The following FCRL5 variants were observed in gnomAD, a reference collection of about 807,000 sequenced individuals.
FCRL5 encodes the protein Fc receptor-like protein 5.
Under a neutral mutation model 92.1 loss-of-function variants are expected in FCRL5, and 79 were observed. That is an observed-to-expected ratio of 0.86 (90% CI 0.72 to 1.03). The LOEUF (loss-of-function observed/expected upper bound fraction) is 1.03. Ranked by LOEUF, FCRL5 falls within the 50% of genes least tolerant of loss-of-function variation. FCRL5 has a pLI of 0.00. For missense variants in FCRL5, 1,160 were observed against 1,181.1 expected, an observed-to-expected ratio of 0.98 and a Z score of 0.26; for synonymous variants, 466 against 469.3, an observed-to-expected ratio of 0.99 and a Z score of 0.09.
At chr1:157,517,713 G>T (rs74118651) in intron 15 of FCRL5, among the ~76,000 whole-genome samples, 2,197 of 152,254 alleles carry the variant, frequency 0.014, 43 homozygotes, top group African/African-American at 0.049. Flanking sequence ...TGATAAATTT[G>T]TACTGCTTCA....
In FCRL5 at chr1:157,520,494, G is replaced by T; in HGVS notation, c.2569C>A (p.Leu857Ile). 6.3e-7 allele frequency: 1 copy of T among 1,575,198 alleles called. No homozygotes were observed. Among genetic ancestry groups the T allele is most frequent in the Non-Finnish European group, 8.6e-7 (1 of 1,160,108 alleles). ...CCCGCAGCAAGGCCTGCTATGCTGA[G>T]CAGGCCCCCGGCGACTCCTGTGGCA... Reference protein sequence around the residue: ...PFATGVAGGLLSIAGLAAGAL... With the variant: ...PFATGVAGGLISIAGLAAGAL... Residue 857 changes from leucine (L) to isoleucine (I), a missense_variant, in exon 12 of 17, where the codon CTC (leucine) becomes ATC (isoleucine). Physicochemically the swap from Leu to Ile is conservative, Grantham distance 5 (BLOSUM62 2). Transcript: ENST00000361835.
intron 3 of FCRL5, chr1:157,546,131 C>A: frequency 3.5e-6 from 1 of 281,794 alleles, no homozygotes; most frequent in South Asian, 3.1e-5. Flanking sequence ...ACTTATTATT[C>A]CAAGTAAATA....
At chr1:157,520,573 C>T (rs755210661) in intron 11 of FCRL5, 26 bp from the exon 12 acceptor site, 1 of 1,553,166 alleles carries the variant, frequency 6.4e-7, no homozygotes, top group Non-Finnish European at 8.8e-7. Flanking sequence ...TGTGTGTGAG[C>T]CAGAGGAGAG....
At position 157,521,277 on chromosome 1, in the gene FCRL5, G is replaced by C; in HGVS notation, c.2255C>G (p.Pro752Arg). The C allele has an allele frequency of 1.9e-6, 3 of 1,608,910 alleles. No homozygotes were observed. Among genetic ancestry groups the C allele is most frequent in the South Asian group, 1.1e-5 (1 of 90,548 alleles). Residue 752 changes from proline to arginine, a missense_variant, in exon 11 of 17, where the codon CCG becomes CGG. Physicochemically the swap from Pro to Arg is moderately radical, Grantham distance 103 (BLOSUM62 -2). Coordinates refer to ENST00000361835, the MANE Select transcript of FCRL5 (RefSeq NM_031281.3). The stretch of plus-strand genomic sequence containing the variant: ...CCCGGGAGCCCTGAGGGTGAGGACC[G>C]GGCGAGACACCGGAACTGAAAGAGA... ...TLKVAVPVSR[P>R]VLTLRAPGTH...
chr1:157,521,664 C>T (rs553440057), intron 10 of FCRL5: 14 of 160,646 alleles, frequency 8.7e-5, no homozygotes, highest in Non-Finnish European at 1.9e-4. Context: ...AAACAGGCAC[C>T]TACATATGCC....
chr1:157,520,987 G>C (rs771667658), intron 11 of FCRL5, 30 bp downstream of exon 11: 4 of 1,571,642 alleles, frequency 2.5e-6, no homozygotes, highest in East Asian at 4.5e-5. Flanking sequence ...CATTTTGTCC[G>C]CATCTGTGGC....
chr1:157,526,929 G>A (rs1650455067), intron 9 of FCRL5, among the ~76,000 whole-genome samples: 1 of 152,142 alleles, frequency 6.6e-6, no homozygotes, highest in South Asian at 2.1e-4. Flanking sequence ...GAGAGGACAG[G>A]CCATGGTGTT....
chr1:157,534,419 C>T (rs1650839405), intron 8 of FCRL5, 195 bp downstream of exon 8: 2 of 722,542 alleles, frequency 2.8e-6, no homozygotes, highest in Non-Finnish European at 5.1e-6. Context: ...GGGGAATCTA[C>T]TGAGCTGTTT....
intron 12 of FCRL5, 117 bp from the exon 13 acceptor site, chr1:157,519,887 C>T: frequency 9.2e-7 from 1 of 1,081,158 alleles, no homozygotes. Context: ...AGGTTGAATC[C>T]TTCTTTGTTA....
Position 157,521,003 on chromosome 1 carries a change from C to A in FCRL5, c.2515+14G>T, listed in dbSNP as rs969683347. ...ATTTTGTCCGCATCTGTGGCCCGGG[C>A]ACGGGAAACTTACCTGTGATATAAA... On this transcript the variant is annotated intron_variant, in intron 11 of 16. Coordinates refer to ENST00000361835, the MANE Select transcript of FCRL5 (RefSeq NM_031281.3). 8 of 1,587,884 alleles carry A rather than the reference C, an allele frequency of 5.0e-6. No individual in the cohort carries two copies. The highest frequency in any genetic ancestry group is 2.3e-5 in the South Asian group (2 of 86,476).
intron 8 of FCRL5, among the ~76,000 whole-genome samples, chr1:157,529,284 A>G (rs1650578756): frequency 6.6e-6 from 1 of 152,266 alleles, no homozygotes; most frequent in Non-Finnish European, 1.5e-5. Context: ...CATAATTAAA[A>G]AAACAAAAAA....
chr1:157,542,752 C>G, intron 6 of FCRL5, 107 bp downstream of exon 6: 1 of 1,368,594 alleles, frequency 7.3e-7, no homozygotes, highest in Admixed American at 2.2e-5. Context: ...TAGGTTTTCC[C>G]AAGAAAGAAA....
At chr1:157,525,100 A>T (rs1650369423) in intron 9 of FCRL5, among the ~76,000 whole-genome samples, 1 of 152,250 alleles carries the variant, frequency 6.6e-6, no homozygotes, top group South Asian at 2.1e-4. Context: ...GGAATCAGTG[A>T]TGAGAAAGAC....
chr1:157,526,070 G>A (rs188692707), intron 9 of FCRL5, among the ~76,000 whole-genome samples: 2 of 152,198 alleles, frequency 1.3e-5, no homozygotes, highest in African/African-American at 2.4e-5. Context: ...ATAAGTCAAA[G>A]TTCTGGAACA....
chr1:157,542,977 A>G lies in FCRL5; in HGVS notation c.1005T>C (p.Cys335=), dbSNP rs759928686. Residue 335 remains cysteine (C), a synonymous_variant, in exon 6 of 17, where the codon TGT becomes TGC. Transcript: ENST00000361835. ...AGAAGCTGATGGATGCTCCCCTTTC[A>G]CAGCGGACTGACTTGTGCCTCAGGG... ...GVPLRHKSVR[C]ERGASISFSL... 8.1e-5 allele frequency: 131 copies of G among 1,614,070 alleles called. No individual in the cohort carries two copies. Among genetic ancestry groups the G allele is most frequent in the Non-Finnish European group, 1.1e-4 (124 of 1,180,030 alleles).
chr1:157,521,490 T>C, intron 10 of FCRL5, 198 bp from the exon 11 acceptor site: 1 of 566,156 alleles, frequency 1.8e-6, no homozygotes, highest in South Asian at 3.5e-5. Flanking sequence ...GTAAAAAGTG[T>C]ATAAATCACT....
intron 3 of FCRL5, chr1:157,546,330 C>G: frequency 2.4e-6 from 1 of 424,522 alleles, no homozygotes; most frequent in South Asian, 1.8e-5. Flanking sequence ...CTCTTGTAGT[C>G]CTACTTACTA....
chr1:157,529,475 T>C (rs766320546), intron 8 of FCRL5, among the ~76,000 whole-genome samples: 1 of 152,174 alleles, frequency 6.6e-6, no homozygotes, highest in Non-Finnish European at 1.5e-5. Context: ...GAAGTCATTA[T>C]ATGAAAAAGA....
Position 157,544,490 on chromosome 1 carries a change from G to C in FCRL5, c.616C>G (p.Pro206Ala), listed in dbSNP as rs750928847. ...ASSFQPISGN[P>A]VTLTCETQLS... is the part of the protein sequence containing the mutation. ...TGGGTCTCACAGGTCAGGGTCACTG[G>C]GTTCCCGCTGATGGGCTGGAAGGAG... is the stretch of plus-strand genomic sequence containing the variant. Residue 206 changes from proline to alanine, a missense_variant, in exon 5 of 17, where the codon CCA (proline) becomes GCA (alanine). Coordinates refer to ENST00000361835, the MANE Select transcript of FCRL5 (RefSeq NM_031281.3). The C allele has an allele frequency of 9.3e-6, 15 of 1,614,080 alleles. No individual in the cohort carries two copies. The highest frequency in any genetic ancestry group is 1.2e-5 in the Non-Finnish European group (14 of 1,180,046).
Sources: allele counts gnomAD v4.1 joint callset (sites outside exome capture counted in the v4.1 genomes callset), GRCh38; gene constraint gnomAD v4.1.1; transcripts MANE v1.5; gene names NCBI Gene and HGNC (gene_info 2026-07-23, HGNC 2026-07-21).